The following RAB5B variants were observed in gnomAD, a reference collection of about 807,000 sequenced individuals.
The protein encoded by RAB5B is ras-related protein Rab-5B.
RAB5B carries 11 observed loss-of-function variants against 28.6 expected under a neutral mutation model. That is an observed-to-expected ratio of 0.38 (90% CI 0.24 to 0.64). The LOEUF is 0.64. Ranked by LOEUF, RAB5B falls within the 30% of genes least tolerant of loss-of-function variation. The pLI is 0.53. For missense variants in RAB5B, 169 were observed against 265.6 expected (o/e 0.64, Z 2.53); for synonymous variants, 93 against 97.9 (o/e 0.95, Z 0.29).
At position 55,993,655 on chromosome 12, in the gene RAB5B, C is replaced by T; in HGVS notation, c.*1443C>T. The T allele has an allele frequency of 6.6e-6, 1 of 152,526 alleles. No homozygotes were observed. The highest frequency in any genetic ancestry group is 6.6e-5 in the Admixed American group (1 of 15,262). The allele number at this position is 152,526 out of a possible 1,614,324, so 9.4% of individuals were successfully genotyped here. The stretch of plus-strand genomic sequence containing the variant: ...CCCATCAGGCCCTGTTTCTTTGTTC[C>T]TTTGTTAATATCTTGAATTTAGTCC... On this transcript the variant is annotated 3_prime_UTR_variant, in exon 6 of 6. Transcript: ENST00000360299.
chr12:55,980,454 T>C (rs1465842256), intron 1 of RAB5B: 1 of 1,591,694 alleles, frequency 6.3e-7, no homozygotes, highest in African/African-American at 1.3e-5. Context: ...GTGTTCTTTA[T>C]GTCACAAGTT....
At chr12:55,974,848 T>TTTG (rs1451109268) in intron 1 of RAB5B, among the ~76,000 whole-genome samples, 2 of 152,096 alleles carry the variant, frequency 1.3e-5, no homozygotes, top group African/African-American at 2.4e-5. Context: ...TACACACTCT[T>TTTG]TTGTTCCCTT....
At chr12:55,984,668 C>T (rs534191776) in intron 1 of RAB5B, among the ~76,000 whole-genome samples, 5 of 152,136 alleles carry the variant, frequency 3.3e-5, no homozygotes, top group African/African-American at 9.6e-5. Flanking sequence ...TTAGTGGAGA[C>T]GGGGTTTCAC....
At chr12:55,983,921 A>C (rs1038502043) in intron 1 of RAB5B, among the ~76,000 whole-genome samples, 1 of 151,564 alleles carries the variant, frequency 6.6e-6, no homozygotes, top group Non-Finnish European at 1.5e-5. Flanking sequence ...TTATCTCCCA[A>C]ACCCCTGGGA....
rs1453579628 is a variant in RAB5B, at chr12:55,993,887, C to T, written c.*1675C>T. The T allele has an allele frequency of 6.6e-6, 1 of 152,310 alleles. No homozygotes were observed. The highest frequency in any genetic ancestry group is 1.5e-5 in the Non-Finnish European group (1 of 68,040). 9.4% of individuals were successfully genotyped at this position (152,310 alleles called of 1,614,324 possible). A position where few individuals can be genotyped will look rare whatever the true frequency, so the allele number is the denominator to read the frequency against. On this transcript the variant is annotated 3_prime_UTR_variant, in exon 6 of 6. Transcript: ENST00000360299. ...TTGGTCCTTTCTAAATCTCTAGTCT[C>T]TCTTCATATCCTTCATCAGGTGTTT... is the stretch of plus-strand genomic sequence containing the variant.
chr12:55,993,287 G>C lies in RAB5B; in HGVS notation c.*1075G>C, dbSNP rs1483734970. ...TCAATGAAATCTGAGGTTAATGCGAGGTTCGAGGAGAGGTTATAGATAAAA... is the reference window on the plus strand; with the variant it reads ...TCAATGAAATCTGAGGTTAATGCGACGTTCGAGGAGAGGTTATAGATAAAA... On this transcript the variant is annotated 3_prime_UTR_variant, in exon 6 of 6. Transcript: ENST00000360299. 1 of 152,590 alleles carries C rather than the reference G, an allele frequency of 6.6e-6. No homozygotes were observed. The highest frequency in any genetic ancestry group is 1.5e-5 in the Non-Finnish European group (1 of 68,052). The allele number at this position is 152,590 out of a possible 1,614,324, so 9.5% of individuals were successfully genotyped here.
At position 55,992,166 on chromosome 12, in the gene RAB5B, T is replaced by C. The variant is rs1890150065; in HGVS notation, c.602T>C (p.Leu201Pro). 2 of 1,614,100 alleles carry C rather than the reference T, an allele frequency of 1.2e-6. No homozygotes were observed. Among genetic ancestry groups the C allele is most frequent in the Non-Finnish European group, 1.7e-6 (2 of 1,180,020 alleles). Residue 201 changes from leucine to proline, a missense_variant, in exon 6 of 6, where the codon CTC becomes CCC. By Grantham distance (98) the Leu-to-Pro change is moderately conservative. Around this residue, in one of 3 missense-constraint regions of RAB5B, gnomAD observed 123 missense variants for 162.4 expected, o/e 0.76. Transcript: ENST00000360299. ...GCAGGCCGAAGCCGGGGTGTGGATCTCCATGAACAGTCCCAGCAGAACAAG... is the reference window on the plus strand; with the variant it reads ...GCAGGCCGAAGCCGGGGTGTGGATCCCCATGAACAGTCCCAGCAGAACAAG... ...GAAGRSRGVD[L>P]HEQSQQNKSQ...
At chr12:55,980,453 A>T (rs558863633) in intron 1 of RAB5B, 2 of 1,591,546 alleles carry the variant, frequency 1.3e-6, no homozygotes, top group Non-Finnish European at 1.7e-6. Context: ...GGTGTTCTTT[A>T]TGTCACAAGT....
At chr12:55,990,136 A>G (rs1310876819) in intron 3 of RAB5B, 38 bp downstream of exon 3, 12 of 1,583,278 alleles carry the variant, frequency 7.6e-6, no homozygotes, top group Middle Eastern at 1.7e-4. Flanking sequence ...TTGGCTGGAC[A>G]TGGTGGCTTA....
At chr12:55,978,551 GA>G (rs1889711800) in intron 1 of RAB5B, among the ~76,000 whole-genome samples, 2 of 151,972 alleles carry the variant, frequency 1.3e-5, no homozygotes, top group Non-Finnish European at 2.9e-5. Flanking sequence ...GATCTGTCCA[GA>G]TGGTACAGAA....
In RAB5B at chr12:55,986,956, TG is replaced by T; in HGVS notation, c.-3del. 1 of 1,343,998 alleles carries T rather than the reference TG, an allele frequency of 7.4e-7. No homozygotes were observed. Among genetic ancestry groups the T allele is most frequent in the South Asian group, 1.1e-5 (1 of 87,304 alleles). The allele number at this position is 1,343,998 out of a possible 1,614,324, so 83.3% of individuals were successfully genotyped here. On this transcript the variant is annotated 5_prime_UTR_variant, in exon 2 of 6. Transcript: ENST00000360299. ...TCCACCCTTTCCCATTCTGATAATC[TG>T]GCCATGACTAGCAGAAGCACAGCTA...
At position 55,990,040 on chromosome 12, in the gene RAB5B, C is replaced by A; in HGVS notation, c.257C>A (p.Ala86Asp). ...TAGQERYHSL[A>D]PMYYRGAQAA... ...GGGCAGGAGCGATATCACAGCTTAGCCCCCATGTACTACAGGGGTGCCCAA... is the reference window on the plus strand; with the variant it reads ...GGGCAGGAGCGATATCACAGCTTAGACCCCATGTACTACAGGGGTGCCCAA... Residue 86 changes from alanine to aspartate, a missense_variant, in exon 3 of 6, where the codon GCC (alanine) becomes GAC (aspartate). By Grantham distance (126) the Ala-to-Asp change is moderately radical. Transcript: ENST00000360299. The A allele has an allele frequency of 1.2e-6, 2 of 1,614,156 alleles. No individual in the cohort carries two copies. Among genetic ancestry groups the A allele is most frequent in the Non-Finnish European group, 1.7e-6 (2 of 1,179,996 alleles).
intron 2 of RAB5B, 50 bp downstream of exon 2, chr12:55,987,173 T>G (rs987286694): frequency 6.6e-7 from 1 of 1,523,810 alleles, no homozygotes; most frequent in African/African-American, 1.4e-5. Flanking sequence ...AGGGTTTTTT[T>G]TTTTTTAGAT....
rs375947629 is a variant in RAB5B at position 55,991,364 on chromosome 12, C to T, written c.443C>T (p.Ala148Val). Reference sequence around the variant, plus strand: ...AATACATCCCACTCCTTGCAGGAGGCCCAGGCATATGCAGATGACAACAGC... The same window carrying T: ...AATACATCCCACTCCTTGCAGGAGGTCCAGGCATATGCAGATGACAACAGC... ...ANKRMVEYEE[A>V]QAYADDNSLL... Residue 148 changes from alanine to valine, a missense_variant, in exon 5 of 6, where the codon GCC becomes GTC. Ala to Val is a moderately conservative substitution (Grantham distance 64). This residue lies in a region of RAB5B where 123 missense variants were observed against 162.4 expected (regional missense o/e 0.76). Coordinates refer to ENST00000360299, the MANE Select transcript of RAB5B (RefSeq NM_002868.4). The T allele has an allele frequency of 7.9e-5, 127 of 1,613,178 alleles. No homozygotes were observed. The highest frequency in any genetic ancestry group is 9.8e-5 in the Non-Finnish European group (115 of 1,179,324).
In RAB5B at chr12:55,995,998, TATA is replaced by T. The variant is rs1890288208; in HGVS notation, c.*3787_*3789del. On this transcript the variant is annotated 3_prime_UTR_variant, in exon 6 of 6. Transcript: ENST00000360299. ...ATATATATATACATATATATATATA[TATA>T]TATTTTTTTTTTAACAACTGGTAGG... 1 of 124,766 alleles carries T rather than the reference TATA, an allele frequency of 8.0e-6. No homozygotes were observed. The highest frequency in any genetic ancestry group is 3.2e-5 in the African/African-American group (1 of 31,604). 7.7% of individuals were successfully genotyped at this position (124,766 alleles called of 1,614,324 possible). A position where few individuals can be genotyped will look rare whatever the true frequency, so the allele number is the denominator to read the frequency against.
At chr12:55,987,251 C>A in intron 2 of RAB5B, 128 bp downstream of exon 2, 1 of 917,678 alleles carries the variant, frequency 1.1e-6, no homozygotes. Context: ...ACCTCTGTCT[C>A]CCAGGTTCGA....
chr12:55,992,215 G>C lies in RAB5B; in HGVS notation c.*3G>C. 9 of 1,610,206 alleles carry C rather than the reference G, an allele frequency of 5.6e-6. No homozygotes were observed. The highest frequency in any genetic ancestry group is 7.6e-6 in the Non-Finnish European group (9 of 1,176,762). On this transcript the variant is annotated 3_prime_UTR_variant, in exon 6 of 6. Transcript: ENST00000360299. Reference sequence around the variant, plus strand: ...AGAGCCAGTGTTGTAGCAACTGAGGGGGTGGCTAGCAGCAAACAAGTATGG... The same window carrying C: ...AGAGCCAGTGTTGTAGCAACTGAGGCGGTGGCTAGCAGCAAACAAGTATGG...
intron 1 of RAB5B, among the ~76,000 whole-genome samples, chr12:55,986,326 A>G (rs1889950016): frequency 6.6e-6 from 1 of 152,158 alleles, no homozygotes; most frequent in African/African-American, 2.4e-5. Flanking sequence ...GCATGCCTGT[A>G]ATCCCAGCTA....
intron 1 of RAB5B, among the ~76,000 whole-genome samples, chr12:55,985,996 G>A (rs1464589944): frequency 1.3e-5 from 2 of 152,186 alleles, no homozygotes; most frequent in Non-Finnish European, 2.9e-5. Flanking sequence ...TAGATTTTGT[G>A]GCAATGGGAC....
Sources: gnomAD v4.1 joint callset for allele counts (sites outside exome capture counted in the v4.1 genomes callset) on GRCh38, gnomAD v4.1.1 for gene constraint, gnomAD v4.1.1 regional missense constraint, MANE v1.5 for transcripts, NCBI Gene and HGNC (gene_info 2026-07-23, HGNC 2026-07-21) for gene names.